Variants in EGFR observed in about 807,000 individuals in gnomAD.
The protein encoded by EGFR is avian erythroblastic leukemia viral (v-erb-b) oncogene homolog.
In EGFR, 58 loss-of-function variants were observed where a neutral mutation model predicts 143.0. The observed-to-expected ratio is 0.41, with a 90% confidence interval of 0.33 to 0.50. EGFR has a LOEUF of 0.50. EGFR is among the 20% of genes least tolerant of loss of function. EGFR has a pLI of 0.39. For synonymous variants in EGFR, 613 were observed against 594.4 expected, an observed-to-expected ratio of 1.03 and a Z score of -0.45; for missense variants, 1,307 against 1,579.0, an observed-to-expected ratio of 0.83 and a Z score of 2.92.
At chr7:55,190,583 A>C (rs931763877) in intron 20 of EGFR, among the ~76,000 whole-genome samples, 2 of 151,942 alleles carry the variant, frequency 1.3e-5, no homozygotes, top group Non-Finnish European at 2.9e-5. Context: ...CTGCAGTCAC[A>C]CTACAGTGGG....
At chr7:55,179,459 A>G (rs1786756909) in intron 19 of EGFR, among the ~76,000 whole-genome samples, 1 of 152,176 alleles carries the variant, frequency 6.6e-6, no homozygotes, top group African/African-American at 2.4e-5. Flanking sequence ...TCTGAGAAAG[A>G]GTCTGCTAAG....
chr7:55,097,631 C>T (rs541127048), intron 1 of EGFR, among the ~76,000 whole-genome samples: 7 of 152,186 alleles, frequency 4.6e-5, no homozygotes, highest in African/African-American at 7.2e-5. Flanking sequence ...TCTAAATATA[C>T]GTGTCACTTT....
At chr7:55,069,808 C>A (rs939884926) in intron 1 of EGFR, among the ~76,000 whole-genome samples, 1 of 152,178 alleles carries the variant, frequency 6.6e-6, no homozygotes, top group East Asian at 1.9e-4. Context: ...ACAAGGAACC[C>A]CCATAGTTAC....
At chr7:55,168,891 T>G (rs1343851630) in intron 15 of EGFR, among the ~76,000 whole-genome samples, 1 of 152,178 alleles carries the variant, frequency 6.6e-6, no homozygotes, top group East Asian at 1.9e-4. Context: ...CCTGAATATA[T>G]TGTCTCTCTC....
In EGFR at chr7:55,094,034, G is replaced by A. The variant is rs1046802157; in HGVS notation, c.89-48252G>A. ...GAACTCACAGTAGAGCGTGTGTAAC[G>A]TAAAAAGATGAAACCCATTGTACAC... On this transcript the variant is annotated intron_variant, in intron 1 of 27. Transcript: ENST00000275493. 6.6e-5 allele frequency among the ~76,000 whole-genome samples: 10 copies of A among 152,166 alleles called. No individual in the cohort carries two copies. The South Asian group carries it at 1.2e-3, about 19-fold the overall frequency.
chr7:55,176,080 C>T (rs1377939438), intron 19 of EGFR, among the ~76,000 whole-genome samples: 1 of 152,210 alleles, frequency 6.6e-6, no homozygotes, highest in Non-Finnish European at 1.5e-5. Flanking sequence ...GGAAGACGGG[C>T]AATCTGTGAA....
At chr7:55,036,270 G>GT (rs1399716712) in intron 1 of EGFR, among the ~76,000 whole-genome samples, 5 of 34,022 alleles carry the variant, frequency 1.5e-4, no homozygotes, top group Non-Finnish European at 2.9e-4. Context: ...TTGTGTGTGT[G>GT]TGGGGGGGGG....
intron 1 of EGFR, among the ~76,000 whole-genome samples, chr7:55,031,832 G>A (rs911828319): frequency 3.9e-5 from 6 of 152,240 alleles, no homozygotes; most frequent in East Asian, 1.9e-4. Flanking sequence ...GTTTTTATTC[G>A]CATTTTGGAA....
chr7:55,145,252 C>G (rs1158241921), intron 3 of EGFR, among the ~76,000 whole-genome samples: 1 of 152,226 alleles, frequency 6.6e-6, no homozygotes, highest in Non-Finnish European at 1.5e-5. Context: ...GTCCGAGCTG[C>G]CACAGCAGCC....
intron 1 of EGFR, among the ~76,000 whole-genome samples, chr7:55,025,987 T>C (rs1044213149): frequency 1.3e-5 from 2 of 152,042 alleles, no homozygotes; most frequent in African/African-American, 2.4e-5. Context: ...TAGGAGATGA[T>C]TTTTTTTCTT....
chr7:55,198,247 G>C (rs2472520), intron 22 of EGFR, among the ~76,000 whole-genome samples: 71,272 of 152,000 alleles, frequency 0.47, 17,981 homozygotes, highest in Middle Eastern at 0.62. Flanking sequence ...TGGAACTTAA[G>C]CTTTTTCATT....
chr7:55,145,650 C>T (rs1794723056), intron 3 of EGFR, among the ~76,000 whole-genome samples: 1 of 152,230 alleles, frequency 6.6e-6, no homozygotes, highest in African/African-American at 2.4e-5. Flanking sequence ...CATTCCCTGC[C>T]TGGGGAGCTG....
At chr7:55,108,884 A>G (rs1792295340) in intron 1 of EGFR, among the ~76,000 whole-genome samples, 1 of 152,236 alleles carries the variant, frequency 6.6e-6, no homozygotes, top group African/African-American at 2.4e-5. Context: ...CTCCACAAAC[A>G]TGAACTAAGC....
At position 55,065,070 on chromosome 7, in the gene EGFR, G is replaced by A. The variant is rs1037412771; in HGVS notation, c.88+45705G>A. Among the ~76,000 whole-genome samples, 13 of 152,166 alleles carry A rather than the reference G, an allele frequency of 8.5e-5. 1 individual carries two copies. The highest frequency in any genetic ancestry group is 6.3e-3 in the Middle Eastern group (2 of 316). On this transcript the variant is annotated intron_variant, in intron 1 of 27. Coordinates refer to ENST00000275493, the MANE Select transcript of EGFR (RefSeq NM_005228.5). Reference sequence around the variant, plus strand: ...GAAAAGCATCTCAAAAAGCATTCTCGAAGCTTCCAGAAGTCAACTCAAGTT... The same window carrying A: ...GAAAAGCATCTCAAAAAGCATTCTCAAAGCTTCCAGAAGTCAACTCAAGTT...
At chr7:55,167,696 CGAT>C (rs1389933283) in intron 15 of EGFR, among the ~76,000 whole-genome samples, 1 of 144,728 alleles carries the variant, frequency 6.9e-6, no homozygotes, top group African/African-American at 2.6e-5. Flanking sequence ...ACGGTGGTGG[CGAT>C]GATGGTGGTG....
intron 1 of EGFR, among the ~76,000 whole-genome samples, chr7:55,120,654 G>C (rs1793146687): frequency 6.6e-6 from 1 of 152,134 alleles, no homozygotes; most frequent in Admixed American, 6.5e-5. Context: ...CACACACAGG[G>C]CCTGGCACAC....
At chr7:55,107,061 G>A (rs1213199342) in intron 1 of EGFR, among the ~76,000 whole-genome samples, 1 of 152,120 alleles carries the variant, frequency 6.6e-6, no homozygotes, top group Non-Finnish European at 1.5e-5. Flanking sequence ...ATAAATATAT[G>A]TGTGTGTGTA....
intron 22 of EGFR, among the ~76,000 whole-genome samples, chr7:55,198,203 TCAGTTTCTTC>T (rs1200184482): frequency 6.6e-6 from 1 of 152,240 alleles, no homozygotes; most frequent in African/African-American, 2.4e-5. Flanking sequence ...GTTCAGGGAT[TCAGTTTCTTC>T]CTGAGGTTTT....
Position 55,181,535 on chromosome 7 carries a change from C to A in EGFR, c.2469+57C>A, listed in dbSNP as rs1584239177. 112 of 1,605,222 alleles carry A rather than the reference C, an allele frequency of 7.0e-5. No homozygotes were observed. In the East Asian group the frequency reaches 2.4e-3, roughly 35 times the overall value. On this transcript the variant is annotated intron_variant, in intron 20 of 27. Transcript: ENST00000275493. The stretch of plus-strand genomic sequence containing the variant: ...GATAAGGAGCCAGGATCCTCACATG[C>A]GGTCTGCGCTCCTGGGATAGCAAGA...
Sources: allele counts gnomAD v4.1 joint callset (sites outside exome capture counted in the v4.1 genomes callset), GRCh38; gene constraint gnomAD v4.1.1; transcripts MANE v1.5; gene names NCBI Gene and HGNC (gene_info 2026-07-23, HGNC 2026-07-21).